Variants in ARHGAP26 observed in about 807,000 individuals in gnomAD.
ARHGAP26 encodes rho GTPase-activating protein 26.
A neutral mutation model predicts 104.8 loss-of-function variants in ARHGAP26; 38 were observed. That is an observed-to-expected ratio of 0.36 (90% confidence interval 0.28 to 0.48). The LOEUF (loss-of-function observed/expected upper bound fraction) is 0.48. ARHGAP26 is among the 20% of genes least tolerant of loss of function. The pLI, the probability that ARHGAP26 is intolerant of heterozygous loss-of-function variation, is 0.99. For missense variants in ARHGAP26, 704 were observed against 947.9 expected (o/e 0.74, Z 3.38); for synonymous variants, 341 against 340.0 (o/e 1.00, Z -0.03).
intron 20 of ARHGAP26, among the ~76,000 whole-genome samples, chr5:143,190,263 A>G (rs1805753442): frequency 6.6e-6 from 1 of 152,226 alleles, no homozygotes; most frequent in Non-Finnish European, 1.5e-5. Flanking sequence ...TTGCTCATAA[A>G]CAGTTTTAAA....
intron 1 of ARHGAP26, among the ~76,000 whole-genome samples, chr5:142,781,027 T>C (rs1380064318): frequency 6.6e-6 from 1 of 152,238 alleles, no homozygotes. Context: ...GTTCCTGGCA[T>C]GAAGCAGGCA....
At chr5:143,056,557 C>T (rs189364351) in intron 16 of ARHGAP26, among the ~76,000 whole-genome samples, 1 of 152,132 alleles carries the variant, frequency 6.6e-6, no homozygotes, top group Admixed American at 6.5e-5. Flanking sequence ...TTATGTCTTC[C>T]ATTTACAGCT....
intron 11 of ARHGAP26, among the ~76,000 whole-genome samples, chr5:142,998,576 C>A (rs776942046): frequency 6.6e-6 from 1 of 152,116 alleles, no homozygotes; most frequent in Non-Finnish European, 1.5e-5. Context: ...AGAGGCTTGG[C>A]TAGGCACTGT....
intron 5 of ARHGAP26, among the ~76,000 whole-genome samples, chr5:142,892,989 C>CCTTTTT (rs753481588): frequency 9.3e-6 from 1 of 108,020 alleles, no homozygotes; most frequent in Non-Finnish European, 1.9e-5. Context: ...CACCCCCCCG[C>CCTTTTT]TTTTTTTTTT....
At chr5:143,157,853 G>T (rs542236327) in intron 20 of ARHGAP26, among the ~76,000 whole-genome samples, 2 of 152,296 alleles carry the variant, frequency 1.3e-5, no homozygotes, top group East Asian at 3.9e-4. Flanking sequence ...GGCAAAGCCT[G>T]TGTGGCCTGA....
intron 5 of ARHGAP26, among the ~76,000 whole-genome samples, chr5:142,887,998 AC>A (rs1757966535): frequency 6.6e-6 from 1 of 152,132 alleles, no homozygotes. Context: ...CAAAAAACAA[AC>A]AAAAAAAAGA....
chr5:143,101,892 G>A (rs909229087), intron 17 of ARHGAP26, among the ~76,000 whole-genome samples: 29 of 149,358 alleles, frequency 1.9e-4, no homozygotes, highest in African/African-American at 6.4e-4. Context: ...GGCTTAGAGT[G>A]TGCCTTCCTT....
chr5:143,037,701 T>C (rs1172019865), intron 13 of ARHGAP26, among the ~76,000 whole-genome samples: 1 of 152,240 alleles, frequency 6.6e-6, no homozygotes, highest in African/African-American at 2.4e-5. Context: ...AAGTTGCAGG[T>C]ACCGCTAATG....
chr5:143,121,388 T>C (rs1796119835), intron 18 of ARHGAP26, among the ~76,000 whole-genome samples: 1 of 152,142 alleles, frequency 6.6e-6, no homozygotes, highest in South Asian at 2.1e-4. Flanking sequence ...GTGGGTAAAA[T>C]TGATTGAGCA....
At chr5:143,094,367 G>A (rs1017697808) in intron 17 of ARHGAP26, among the ~76,000 whole-genome samples, 2 of 152,072 alleles carry the variant, frequency 1.3e-5, no homozygotes, top group Non-Finnish European at 2.9e-5. Flanking sequence ...GCGTTGCTGA[G>A]AGCTCAGGTT....
intron 12 of ARHGAP26, among the ~76,000 whole-genome samples, chr5:143,026,252 A>G (rs943800281): frequency 6.6e-6 from 1 of 152,226 alleles, no homozygotes; most frequent in African/African-American, 2.4e-5. Flanking sequence ...TATTGAGATT[A>G]GTCATGAACA....
At chr5:142,890,054 T>C (rs1206802182) in intron 5 of ARHGAP26, among the ~76,000 whole-genome samples, 1 of 148,604 alleles carries the variant, frequency 6.7e-6, no homozygotes, top group Non-Finnish European at 1.5e-5. Context: ...GAGAATATCT[T>C]GAACCTGGGA....
chr5:142,954,274 C>G (rs765560356), intron 11 of ARHGAP26, among the ~76,000 whole-genome samples: 1 of 152,172 alleles, frequency 6.6e-6, no homozygotes, highest in Non-Finnish European at 1.5e-5. Context: ...AATGCAGAGC[C>G]CACATCAGGT....
chr5:142,841,078 A>T (rs921530840), intron 1 of ARHGAP26, among the ~76,000 whole-genome samples: 2 of 152,114 alleles, frequency 1.3e-5, no homozygotes, highest in Middle Eastern at 3.2e-3. Flanking sequence ...ATATCCAGGG[A>T]CCTCTGCTTG....
intron 20 of ARHGAP26, among the ~76,000 whole-genome samples, chr5:143,175,653 G>T (rs2151155652): frequency 6.6e-6 from 1 of 152,168 alleles, no homozygotes; most frequent in South Asian, 2.1e-4. Flanking sequence ...ATACTATTGG[G>T]CATATGTGGG....
intron 20 of ARHGAP26, among the ~76,000 whole-genome samples, chr5:143,155,999 T>A (rs1800425835): frequency 6.6e-6 from 1 of 152,224 alleles, no homozygotes; most frequent in Admixed American, 6.5e-5. Context: ...AAATCTCAAA[T>A]TTTTGGTAGA....
At chr5:143,014,901 AG>A (rs1779373717) in intron 12 of ARHGAP26, among the ~76,000 whole-genome samples, 4 of 152,210 alleles carry the variant, frequency 2.6e-5, no homozygotes, top group Non-Finnish European at 5.9e-5. Context: ...AAAAATTTAA[AG>A]GTTGCCCTAC....
intron 20 of ARHGAP26, among the ~76,000 whole-genome samples, chr5:143,148,514 A>G (rs1799422233): frequency 6.6e-6 from 1 of 152,216 alleles, no homozygotes; most frequent in Admixed American, 6.5e-5. Context: ...CTGAGAATAT[A>G]AGATCTTTTT....
intron 17 of ARHGAP26, among the ~76,000 whole-genome samples, chr5:143,097,569 C>T (rs1018214712): frequency 1.3e-5 from 2 of 151,762 alleles, no homozygotes; most frequent in African/African-American, 4.8e-5. Flanking sequence ...GCCTGTAATC[C>T]CAGCACTTTG....
Sources: gnomAD v4.1 joint callset for allele counts (sites outside exome capture counted in the v4.1 genomes callset) on GRCh38, gnomAD v4.1.1 for gene constraint, MANE v1.5 for transcripts, NCBI Gene and HGNC (gene_info 2026-07-23, HGNC 2026-07-21) for gene names.